The following ROR1 variants were observed in gnomAD, a reference collection of about 807,000 sequenced individuals.
ROR1 encodes inactive tyrosine-protein kinase transmembrane receptor ROR1.
Under a neutral mutation model 78.8 loss-of-function variants are expected in ROR1, and 19 were observed. That is an observed-to-expected ratio of 0.24 (90% confidence interval 0.17 to 0.35). ROR1 has a LOEUF of 0.35. Among genes scored for constraint, ROR1 ranks in the 10% least tolerant of loss-of-function variants. The pLI is 1.00. For missense variants in ROR1, 917 were observed against 1,177.8 expected, an observed-to-expected ratio of 0.78 and a Z score of 3.24; for synonymous variants, 386 against 433.6, an observed-to-expected ratio of 0.89 and a Z score of 1.36.
chr1:64,083,321 A>T (rs1647119352), intron 4 of ROR1, among the ~76,000 whole-genome samples: 1 of 152,196 alleles, frequency 6.6e-6, no homozygotes, highest in African/African-American at 2.4e-5. Context: ...GAGGTCTTGT[A>T]TTTAGAGACT....
intron 1 of ROR1, among the ~76,000 whole-genome samples, chr1:63,974,871 G>T (rs909767384): frequency 3.3e-5 from 5 of 152,086 alleles, no homozygotes; most frequent in Admixed American, 2.0e-4. Flanking sequence ...GGTATGAGGG[G>T]GACAGTGCAG....
intron 1 of ROR1, among the ~76,000 whole-genome samples, chr1:63,819,453 C>T (rs2100282592): frequency 6.6e-6 from 1 of 152,220 alleles, no homozygotes; most frequent in East Asian, 1.9e-4. Flanking sequence ...TGATCTTGAG[C>T]AAGTCACATA....
At chr1:64,138,844 T>G (rs535420288) in intron 5 of ROR1, among the ~76,000 whole-genome samples, 14 of 152,128 alleles carry the variant, frequency 9.2e-5, no homozygotes, top group Admixed American at 6.5e-4. Flanking sequence ...TTAATGTACT[T>G]TTAACTGAAT....
In ROR1 at chr1:64,164,134, T is replaced by C. The variant is rs544635930; in HGVS notation, c.1386+4942T>C. The stretch of plus-strand genomic sequence containing the variant: ...TAATGGGAGCATCCTCTGACATTCT[T>C]TTCCTCTCTCATTCTCTTGAGCTGA... On this transcript the variant is annotated intron_variant, in intron 8 of 8. Transcript: ENST00000371079. 3.3e-5 allele frequency among the ~76,000 whole-genome samples: 5 copies of C among 152,288 alleles called. No homozygotes were observed. In the South Asian group the frequency reaches 8.3e-4, roughly 25 times the overall value.
chr1:64,153,540 G>A (rs899768442), intron 7 of ROR1, among the ~76,000 whole-genome samples: 3 of 152,176 alleles, frequency 2.0e-5, no homozygotes, highest in Middle Eastern at 3.4e-3. Flanking sequence ...AAGAAAACAT[G>A]GTATATGCAA....
chr1:64,174,602 A>C (rs576188997), intron 8 of ROR1, among the ~76,000 whole-genome samples: 2 of 152,328 alleles, frequency 1.3e-5, no homozygotes, highest in East Asian at 1.9e-4. Context: ...TTTAGTACTC[A>C]GTCCCTTAAA....
intron 1 of ROR1, among the ~76,000 whole-genome samples, chr1:63,917,487 A>C (rs1460066180): frequency 2.0e-5 from 3 of 152,216 alleles, no homozygotes; most frequent in East Asian, 1.9e-4. Context: ...AAACAGGATT[A>C]AGCATCCACT....
intron 5 of ROR1, among the ~76,000 whole-genome samples, chr1:64,138,306 T>A (rs1018007278): frequency 4.6e-5 from 7 of 152,208 alleles, no homozygotes; most frequent in Non-Finnish European, 1.0e-4. Context: ...CCCAGTAACA[T>A]TTGAATTTCA....
At chr1:64,049,284 C>T (rs1646809264) in intron 2 of ROR1, among the ~76,000 whole-genome samples, 1 of 152,082 alleles carries the variant, frequency 6.6e-6, no homozygotes, top group Non-Finnish European at 1.5e-5. Flanking sequence ...CAAAAGTGAG[C>T]AAACTGGAAG....
chr1:63,988,540 C>T (rs1003309207), intron 1 of ROR1, among the ~76,000 whole-genome samples: 4 of 152,182 alleles, frequency 2.6e-5, no homozygotes, highest in Non-Finnish European at 5.9e-5. Context: ...GCGTTAAGTA[C>T]ATTTCACATT....
intron 4 of ROR1, among the ~76,000 whole-genome samples, chr1:64,068,326 A>T (rs1240698769): frequency 6.6e-6 from 1 of 152,184 alleles, no homozygotes; most frequent in Non-Finnish European, 1.5e-5. Context: ...CAAAAATGTA[A>T]ATCATATTGC....
At position 63,774,635 on chromosome 1, in the gene ROR1, C is replaced by A. The variant is rs1231670294; in HGVS notation, c.91+127C>A. ...GCTCCGGGGCGCGTCCGGCCACCCG[C>A]CACGGGGCTCGCCGGCGCCGCCAGG... is the stretch of plus-strand genomic sequence containing the variant. On this transcript the variant is annotated intron_variant, in intron 1 of 8. Transcript: ENST00000371079. The surrounding 1 kb of genome is among the most constrained non-coding windows in gnomAD (Gnocchi z 5.7). 2.7e-6 allele frequency: 1 copy of A among 370,256 alleles called. No individual in the cohort carries two copies. Among genetic ancestry groups the A allele is most frequent in the Non-Finnish European group, 3.8e-6 (1 of 264,446 alleles). The allele number at this position is 370,256 out of a possible 1,614,324, so 22.9% of individuals were successfully genotyped here.
intron 1 of ROR1, among the ~76,000 whole-genome samples, chr1:63,998,954 T>C (rs1389951079): frequency 1.3e-5 from 2 of 152,216 alleles, no homozygotes; most frequent in Admixed American, 6.5e-5. Flanking sequence ...TTTCCACTTT[T>C]GCTTCTCTCT....
At chr1:64,131,267 C>T (rs2100699108) in intron 4 of ROR1, among the ~76,000 whole-genome samples, 1 of 152,178 alleles carries the variant, frequency 6.6e-6, no homozygotes, top group Middle Eastern at 3.4e-3. Flanking sequence ...ATTCAGAGGT[C>T]AGAGGTGTTG....
intron 4 of ROR1, among the ~76,000 whole-genome samples, chr1:64,064,663 C>T (rs1346651067): frequency 6.6e-6 from 1 of 152,170 alleles, no homozygotes; most frequent in Non-Finnish European, 1.5e-5. Flanking sequence ...GCTGCAATTC[C>T]TGCCCAACCT....
intron 1 of ROR1, chr1:63,789,184 T>C (rs141463199): frequency 1.7e-6 from 1 of 598,966 alleles, no homozygotes; most frequent in East Asian, 3.9e-5. Flanking sequence ...AGCTTCCAGA[T>C]CTGCTGACAG....
At chr1:64,154,110 G>A (rs1304020280) in intron 7 of ROR1, among the ~76,000 whole-genome samples, 1 of 152,068 alleles carries the variant, frequency 6.6e-6, no homozygotes, top group Non-Finnish European at 1.5e-5. Context: ...TTTAATCAAT[G>A]TATATGGCCT....
intron 4 of ROR1, among the ~76,000 whole-genome samples, chr1:64,112,770 G>A (rs1648158535): frequency 6.6e-6 from 1 of 151,578 alleles, no homozygotes; most frequent in Non-Finnish European, 1.5e-5. Flanking sequence ...TGCATACCCA[G>A]TGTGCTCATC....
chr1:64,009,213 T>G (rs997072654), intron 1 of ROR1, 92 bp from the exon 2 acceptor site: 3 of 976,740 alleles, frequency 3.1e-6, no homozygotes, highest in Non-Finnish European at 4.9e-6. Context: ...GGCAGGCCCT[T>G]TGGAAATCTC....
Sources: allele counts gnomAD v4.1 joint callset (sites outside exome capture counted in the v4.1 genomes callset), GRCh38; gene constraint gnomAD v4.1.1; non-coding constraint Gnocchi (gnomAD v3.1); transcripts MANE v1.5; gene names NCBI Gene and HGNC (gene_info 2026-07-23, HGNC 2026-07-21).